The following TENM2 variants were observed in gnomAD, a reference collection of about 807,000 sequenced individuals.
TENM2 encodes teneurin-2.
A neutral mutation model predicts 245.2 loss-of-function variants in TENM2; 52 were observed. The ratio of observed to expected loss-of-function variants is 0.21; its 90% confidence interval spans 0.17 to 0.27. The LOEUF is 0.27. Ranked by LOEUF, TENM2 falls within the 10% of genes least tolerant of loss-of-function variation. The pLI is 1.00. For synonymous variants in TENM2, 1,363 were observed against 1,438.9 expected, an observed-to-expected ratio of 0.95 and a Z score of 1.19; for missense variants, 3,046 against 3,666.8, an observed-to-expected ratio of 0.83 and a Z score of 4.37.
At chr5:167,122,938 T>C in the TENM2 span, among the ~76,000 whole-genome samples, 5 of 152,056 alleles carry the variant, frequency 3.3e-5, no homozygotes, top group African/African-American at 1.2e-4. Flanking sequence ...CCTGGAGAAG[T>C]AAACTGCAGG....
chr5:167,210,451 ATTTTT>A, the TENM2 span, among the ~76,000 whole-genome samples: 18 of 101,244 alleles, frequency 1.8e-4, no homozygotes, highest in African/African-American at 7.1e-4. Context: ...TTTTCACTGC[ATTTTT>A]TTTTTTTTTT....
intron 7 of TENM2, among the ~76,000 whole-genome samples, chr5:168,080,266 C>T (rs1469857341): frequency 5.9e-5 from 9 of 152,186 alleles, no homozygotes; most frequent in Non-Finnish European, 1.0e-4. Context: ...TCTGTGGGAT[C>T]GATGGTGATA....
the TENM2 span, among the ~76,000 whole-genome samples, chr5:167,180,814 T>G: frequency 6.6e-6 from 1 of 151,944 alleles, no homozygotes; most frequent in African/African-American, 2.4e-5. Context: ...TTCATCCTGG[T>G]CATCTTCAAG....
chr5:168,230,483 G>C (rs1043976020), intron 25 of TENM2, among the ~76,000 whole-genome samples: 4 of 152,214 alleles, frequency 2.6e-5, no homozygotes, highest in African/African-American at 9.7e-5. Flanking sequence ...TGGGTGTGAT[G>C]TGGATTGAGG....
At chr5:168,252,135 T>A (rs970215575) in intron 27 of TENM2, among the ~76,000 whole-genome samples, 1 of 152,136 alleles carries the variant, frequency 6.6e-6, no homozygotes, top group Admixed American at 6.5e-5. Context: ...ACCAGCACTT[T>A]GGGAGGCCAA....
the TENM2 span, among the ~76,000 whole-genome samples, chr5:167,200,410 T>A: frequency 2.0e-5 from 3 of 151,918 alleles, no homozygotes; most frequent in Middle Eastern, 3.2e-3. Flanking sequence ...TCGTTTGTGG[T>A]CTCTCTGTCT....
intron 2 of TENM2, among the ~76,000 whole-genome samples, chr5:167,724,904 G>A (rs967178052): frequency 6.6e-6 from 1 of 152,098 alleles, no homozygotes; most frequent in Non-Finnish European, 1.5e-5. Context: ...ATTACGGCAG[G>A]TAAGCTCTGC....
the TENM2 span, among the ~76,000 whole-genome samples, chr5:167,005,535 T>G: frequency 6.6e-6 from 1 of 152,046 alleles, no homozygotes; most frequent in African/African-American, 2.4e-5. Context: ...ATACTGAACT[T>G]TTAACTCACA....
At chr5:167,337,046 A>G (rs1263433616) in intron 1 of TENM2, among the ~76,000 whole-genome samples, 1 of 139,252 alleles carries the variant, frequency 7.2e-6, no homozygotes, top group Non-Finnish European at 1.5e-5. Flanking sequence ...GAACCCGGGA[A>G]GCGGAGCTTG....
At chr5:167,430,933 A>G (rs1024482980) in intron 2 of TENM2, among the ~76,000 whole-genome samples, 1 of 152,196 alleles carries the variant, frequency 6.6e-6, no homozygotes, top group African/African-American at 2.4e-5. Flanking sequence ...TCATATTTCC[A>G]ATGTTTCTAT....
exon 21 of TENM2, chr5:168,215,065 T>C (rs1763067933): frequency 6.2e-7 from 1 of 1,613,854 alleles, no homozygotes; most frequent in South Asian, 1.1e-5. Flanking sequence ...CAAGTACTAC[T>C]TGGCAGTGGA....
intron 2 of TENM2, among the ~76,000 whole-genome samples, chr5:167,776,459 G>A (rs1001754960): frequency 2.0e-4 from 31 of 151,456 alleles, no homozygotes; most frequent in Admixed American, 5.9e-4. Flanking sequence ...AGCTGAGCGT[G>A]GTGGCGTATG....
the TENM2 span, among the ~76,000 whole-genome samples, chr5:167,107,224 T>G: frequency 6.6e-6 from 1 of 150,728 alleles, no homozygotes; most frequent in Non-Finnish European, 1.5e-5. Context: ...ACTGCGCCAT[T>G]GCACTCCCGT....
chr5:167,151,777 A>G, the TENM2 span, among the ~76,000 whole-genome samples: 3 of 152,186 alleles, frequency 2.0e-5, no homozygotes, highest in Non-Finnish European at 4.4e-5. Context: ...TCGGCCTCCC[A>G]AAATGGTGGA....
intron 2 of TENM2, among the ~76,000 whole-genome samples, chr5:167,576,038 G>A (rs2079316879): frequency 6.6e-6 from 1 of 152,192 alleles, no homozygotes; most frequent in Non-Finnish European, 1.5e-5. Flanking sequence ...TATGTTGTCT[G>A]TATCATATAT....
At chr5:167,568,796 G>A (rs972925052) in intron 2 of TENM2, among the ~76,000 whole-genome samples, 1 of 152,004 alleles carries the variant, frequency 6.6e-6, no homozygotes, top group Admixed American at 6.6e-5. Flanking sequence ...AATTTTTTAT[G>A]TTGTTCCAGA....
chr5:167,037,102 C>A, the TENM2 span, among the ~76,000 whole-genome samples: 1 of 152,174 alleles, frequency 6.6e-6, no homozygotes, highest in African/African-American at 2.4e-5. Context: ...GCTTGGAAAC[C>A]AGAATTTGTG....
At chr5:168,190,455 G>T in exon 14 of TENM2, 1 of 1,613,990 alleles carries the variant, frequency 6.2e-7, no homozygotes, top group Non-Finnish European at 8.5e-7. Flanking sequence ...AGACGGATTG[G>T]CCCGCAGTGA....
At chr5:167,369,022 G>A (rs1322505282) in intron 1 of TENM2, among the ~76,000 whole-genome samples, 1 of 151,228 alleles carries the variant, frequency 6.6e-6, no homozygotes, top group Non-Finnish European at 1.5e-5. Flanking sequence ...TTACTCTGGT[G>A]TGTTTGTAAA....
Sources: gnomAD v4.1 joint callset for allele counts (sites outside exome capture counted in the v4.1 genomes callset) on GRCh38, gnomAD v4.1.1 for gene constraint, MANE v1.5 for transcripts, NCBI Gene and HGNC (gene_info 2026-07-23, HGNC 2026-07-21) for gene names.